Variants in CRAMP1 observed in about 807,000 individuals in gnomAD.
CRAMP1 encodes the protein protein cramped-like.
Under a neutral mutation model 115.4 loss-of-function variants are expected in CRAMP1, and 50 were observed. The ratio of observed to expected loss-of-function variants is 0.43; its 90% CI spans 0.35 to 0.55. The LOEUF is 0.55. Ranked by LOEUF, CRAMP1 falls within the 20% of genes least tolerant of loss-of-function variation. CRAMP1 has a pLI of 0.01. For synonymous variants in CRAMP1, 866 were observed against 745.4 expected, an observed-to-expected ratio of 1.16 and a Z score of -2.64; for missense variants, 1,679 against 1,721.7, an observed-to-expected ratio of 0.98 and a Z score of 0.44.
At chr16:1,647,657 G>T (rs992749714) in intron 6 of CRAMP1, among the ~76,000 whole-genome samples, 1 of 150,106 alleles carries the variant, frequency 6.7e-6, no homozygotes, top group Non-Finnish European at 1.5e-5. Context: ...CATGAGAATC[G>T]CCTAAGGCCC....
rs766124669 is a variant in CRAMP1, at chr16:1,666,832, T to C, written c.3036+232T>C. The stretch of plus-strand genomic sequence containing the variant: ...CATGTGGCACTGGAGAACTCAGAGC[T>C]AAGACGGTGTGGAAACATAGCTCCA... On this transcript the variant is annotated intron_variant, in intron 16 of 20. Coordinates refer to ENST00000397412, the MANE Select transcript of CRAMP1 (RefSeq NM_020825.4). The surrounding 1 kb of genome is among the most constrained non-coding windows in gnomAD (Gnocchi z 5.0). 6.6e-6 allele frequency among the ~76,000 whole-genome samples: 1 copy of C among 152,222 alleles called. No individual in the cohort carries two copies. The highest frequency in any genetic ancestry group is 1.5e-5 in the Non-Finnish European group (1 of 68,040).
intron 2 of CRAMP1, among the ~76,000 whole-genome samples, chr16:1,618,951 G>A (rs1364290335): frequency 2.0e-5 from 3 of 152,190 alleles, no homozygotes. Context: ...TCAAATACCT[G>A]TATACTTTTG....
At chr16:1,637,483 G>T (rs2036598121) in intron 4 of CRAMP1, among the ~76,000 whole-genome samples, 1 of 152,204 alleles carries the variant, frequency 6.6e-6, no homozygotes, top group Non-Finnish European at 1.5e-5. Context: ...CCTCACCTGT[G>T]TGCAGAGATG....
At position 1,666,414 on chromosome 16, in the gene CRAMP1, G is replaced by C; in HGVS notation, c.2858-8G>C. On this transcript the variant is annotated splice_region_variant and splice_polypyrimidine_tract_variant and intron_variant, in intron 15 of 20. Transcript: ENST00000397412. This position sits in a 1 kb window ranked among gnomAD's most constrained non-coding sequence, Gnocchi z 5.0. ...AGCAGAGATGTGCAGCGTCCTTTTTGTTGCCAGGTGCTATCGACTTAGCAG... is the reference window on the plus strand; with the variant it reads ...AGCAGAGATGTGCAGCGTCCTTTTTCTTGCCAGGTGCTATCGACTTAGCAG... The C allele has an allele frequency of 6.2e-7, 1 of 1,610,376 alleles. No homozygotes were observed.
intron 6 of CRAMP1, among the ~76,000 whole-genome samples, chr16:1,651,951 G>A (rs371962513): frequency 5.4e-4 from 82 of 151,774 alleles, no homozygotes; most frequent in African/African-American, 1.9e-3. Flanking sequence ...CGTAGAAGTG[G>A]ATTGAGGTCA....
chr16:1,633,203 C>T (rs1262222196), intron 4 of CRAMP1, among the ~76,000 whole-genome samples: 1 of 152,262 alleles, frequency 6.6e-6, no homozygotes, highest in East Asian at 1.9e-4. Flanking sequence ...TTGGCCATTC[C>T]TGTGGTGTCC....
At position 1,666,316 on chromosome 16, in the gene CRAMP1, T is replaced by C; in HGVS notation, c.2858-106T>C. On this transcript the variant is annotated intron_variant, in intron 15 of 20. Coordinates refer to ENST00000397412, the MANE Select transcript of CRAMP1 (RefSeq NM_020825.4). The surrounding 1 kb of genome is among the most constrained non-coding windows in gnomAD (Gnocchi z 5.0). ...CCAAGAACATCTAAGCCCTTGGCTCTTGCATTGACATGAGGTGCGAGGGAG... is the reference window on the plus strand; with the variant it reads ...CCAAGAACATCTAAGCCCTTGGCTCCTGCATTGACATGAGGTGCGAGGGAG... 5 of 1,238,604 alleles carry C rather than the reference T, an allele frequency of 4.0e-6. No individual in the cohort carries two copies. The highest frequency in any genetic ancestry group is 5.7e-6 in the Non-Finnish European group (5 of 871,004). The allele number at this position is 1,238,604 out of a possible 1,614,324, so 76.7% of individuals were successfully genotyped here.
In CRAMP1 at chr16:1,659,959, G is replaced by T. The variant is rs1255062349; in HGVS notation, c.2309G>T (p.Gly770Val). 1.2e-6 allele frequency: 2 copies of T among 1,610,618 alleles called. No individual in the cohort carries two copies. The highest frequency in any genetic ancestry group is 2.7e-5 in the African/African-American group (2 of 74,946). ...AQEEQSMTPP[G>V]KVVTVSSRSP... ...GAGGAGCAGTCGATGACGCCCCCAGGGAAGGTGGTGACCGTCAGCTCTCGC... is the reference window on the plus strand; with the variant it reads ...GAGGAGCAGTCGATGACGCCCCCAGTGAAGGTGGTGACCGTCAGCTCTCGC... Residue 770 changes from glycine (G) to valine (V), a missense_variant, in exon 11 of 21, where the codon GGG becomes GTG. Coordinates refer to ENST00000397412, the MANE Select transcript of CRAMP1 (RefSeq NM_020825.4).
intron 10 of CRAMP1, among the ~76,000 whole-genome samples, chr16:1,659,240 G>A (rs2036802656): frequency 6.6e-6 from 1 of 152,090 alleles, no homozygotes; most frequent in Non-Finnish European, 1.5e-5. Flanking sequence ...CTTGCCATCC[G>A]GCACCTCTTC....
intron 1 of CRAMP1, among the ~76,000 whole-genome samples, chr16:1,612,966 G>T (rs1030680671): frequency 6.6e-6 from 1 of 152,256 alleles, no homozygotes; most frequent in East Asian, 1.9e-4. Context: ...TTTCAGTGGC[G>T]AAAAGCGCTT....
intron 3 of CRAMP1, among the ~76,000 whole-genome samples, chr16:1,627,129 CG>C (rs907517534): frequency 6.6e-6 from 1 of 151,828 alleles, no homozygotes; most frequent in African/African-American, 2.4e-5. Context: ...GAATTAGGTT[CG>C]TGATCGGTGA....
intron 4 of CRAMP1, 75 bp downstream of exon 4, chr16:1,632,440 A>G: frequency 7.0e-7 from 1 of 1,427,720 alleles, no homozygotes; most frequent in East Asian, 2.5e-5. Context: ...AGCTTCCAGC[A>G]AGCCCGCCGG....
intron 2 of CRAMP1, among the ~76,000 whole-genome samples, chr16:1,616,673 C>T (rs950467546): frequency 6.6e-6 from 1 of 152,160 alleles, no homozygotes; most frequent in Non-Finnish European, 1.5e-5. Context: ...GTTGCTGGCA[C>T]TTCTTTCTTT....
At position 1,625,969 on chromosome 16, in the gene CRAMP1, C is replaced by G. The variant is rs1047502452; in HGVS notation, c.347-4C>G. On this transcript the variant is annotated splice_polypyrimidine_tract_variant and splice_region_variant and intron_variant, in intron 2 of 20. Transcript: ENST00000397412. The stretch of plus-strand genomic sequence containing the variant: ...AGATCACTGTACGGTGCTTTCTCTC[C>G]AAGGAGCTGAAGGTGGTGGATCATC... 1 of 1,551,450 alleles carries G rather than the reference C, an allele frequency of 6.4e-7. No individual in the cohort carries two copies. Among genetic ancestry groups the G allele is most frequent in the Non-Finnish European group, 8.7e-7 (1 of 1,146,966 alleles).
chr16:1,617,779 C>G, intron 2 of CRAMP1, among the ~76,000 whole-genome samples: 1 of 152,180 alleles, frequency 6.6e-6, no homozygotes, highest in Non-Finnish European at 1.5e-5. Context: ...CTCTTATTGA[C>G]TTCAATGAAA....
intron 2 of CRAMP1, chr16:1,620,835 G>C (rs964763193): frequency 1.1e-5 from 4 of 371,796 alleles, no homozygotes; most frequent in African/African-American, 8.3e-5. Flanking sequence ...GGCACGGCAT[G>C]GGAAACGCCT....
intron 5 of CRAMP1, among the ~76,000 whole-genome samples, chr16:1,638,645 C>T (rs1198807757): frequency 6.6e-6 from 1 of 152,218 alleles, no homozygotes; most frequent in African/African-American, 2.4e-5. Flanking sequence ...AGAGAGCATG[C>T]CTGGGCTGTC....
intron 16 of CRAMP1, 47 bp from the exon 17 acceptor site, chr16:1,667,288 G>T: frequency 6.7e-7 from 1 of 1,502,036 alleles, no homozygotes; most frequent in Non-Finnish European, 9.3e-7. Flanking sequence ...GGTATGGGTG[G>T]CATCTGGTGC....
In CRAMP1 at chr16:1,654,000, G is replaced by A. The variant is rs112431826; in HGVS notation, c.1037+844G>A. On this transcript the variant is annotated intron_variant, in intron 8 of 20. Coordinates refer to ENST00000397412, the MANE Select transcript of CRAMP1 (RefSeq NM_020825.4). The stretch of plus-strand genomic sequence containing the variant: ...ACTAAAAATACAAAAAAAATTAGCC[G>A]GGCGTGGTGGTGGGTGCTTGTAATT... Among the ~76,000 whole-genome samples, 901 of 147,502 alleles carry A rather than the reference G, an allele frequency of 6.1e-3. 9 individuals carry two copies. The highest frequency in any genetic ancestry group is 0.021 in the African/African-American group (860 of 40,108).
Sources: gnomAD v4.1 joint callset for allele counts (sites outside exome capture counted in the v4.1 genomes callset) on GRCh38, gnomAD v4.1.1 for gene constraint, Gnocchi (gnomAD v3.1) non-coding constraint, MANE v1.5 for transcripts, NCBI Gene and HGNC (gene_info 2026-07-23, HGNC 2026-07-21) for gene names.